Variants in NCOA2 observed in about 807,000 individuals in gnomAD.
NCOA2 encodes class E basic helix-loop-helix protein 75.
A neutral mutation model predicts 145.1 loss-of-function variants in NCOA2; 21 were observed. The ratio of observed to expected loss-of-function variants is 0.14; its 90% CI spans 0.10 to 0.21. The LOEUF (loss-of-function observed/expected upper bound fraction) is 0.21. Among genes scored for constraint, NCOA2 ranks in the 10% least tolerant of loss-of-function variants. The pLI is 1.00. For synonymous variants in NCOA2, 619 were observed against 637.5 expected (o/e 0.97, Z 0.44); for missense variants, 1,472 against 1,837.6 (o/e 0.80, Z 3.64).
intron 1 of NCOA2, among the ~76,000 whole-genome samples, chr8:70,354,418 A>T (rs1809502440): frequency 6.6e-6 from 1 of 152,192 alleles, no homozygotes; most frequent in Non-Finnish European, 1.5e-5. Context: ...ATTCCCCCGA[A>T]GATAGTTCTA....
chr8:70,365,074 T>C (rs907503365), intron 1 of NCOA2, among the ~76,000 whole-genome samples: 1 of 152,204 alleles, frequency 6.6e-6, no homozygotes, highest in Non-Finnish European at 1.5e-5. Context: ...AGCTCATGTG[T>C]GTAATCCCAA....
the NCOA2 span, among the ~76,000 whole-genome samples, chr8:70,409,996 G>C: frequency 6.6e-6 from 1 of 152,136 alleles, no homozygotes; most frequent in Non-Finnish European, 1.5e-5. Context: ...GATCACCTGA[G>C]GTCAGCAGTT....
chr8:70,297,847 T>C (rs1827202644), intron 1 of NCOA2, among the ~76,000 whole-genome samples: 1 of 152,228 alleles, frequency 6.6e-6, no homozygotes, highest in African/African-American at 2.4e-5. Flanking sequence ...CCAATTAAGT[T>C]TGTTCCCAAG....
At chr8:70,316,256 T>C (rs1051037573) in intron 1 of NCOA2, among the ~76,000 whole-genome samples, 2 of 152,174 alleles carry the variant, frequency 1.3e-5, no homozygotes, top group Admixed American at 6.5e-5. Flanking sequence ...CAAAGTCTTA[T>C]TAGATTTGGA....
chr8:70,358,930 C>T (rs1167387402), intron 1 of NCOA2, among the ~76,000 whole-genome samples: 1 of 152,100 alleles, frequency 6.6e-6, no homozygotes, highest in Non-Finnish European at 1.5e-5. Context: ...CCTGAACAGA[C>T]ATTTCTCCAG....
chr8:70,186,551 G>A (rs951979612), intron 4 of NCOA2, among the ~76,000 whole-genome samples: 10 of 152,204 alleles, frequency 6.6e-5, no homozygotes, highest in Non-Finnish European at 7.3e-5. Context: ...GAAGAGAGCT[G>A]TTACCTGGGA....
chr8:70,131,955 G>A lies in NCOA2; in HGVS notation c.3206C>T (p.Ala1069Val). ...TCCCTCATCACTCGGAGACTCAGCTGCAGGATGTGGACATAGCAAGTCATC... is the reference window on the plus strand; with the variant it reads ...TCCCTCATCACTCGGAGACTCAGCTACAGGATGTGGACATAGCAAGTCATC... Reference protein sequence around the residue: ...SPDDLLCPHPAAESPSDEGAL... With the variant: ...SPDDLLCPHPVAESPSDEGAL... Residue 1069 changes from alanine to valine, a missense_variant, in exon 16 of 23, where the codon GCA becomes GTA. By Grantham distance (64) the Ala-to-Val change is moderately conservative. Around this residue, in one of 4 missense-constraint regions of NCOA2, gnomAD observed 953 missense variants for 1,062.1 expected, o/e 0.90. Coordinates refer to ENST00000452400, the MANE Select transcript of NCOA2 (RefSeq NM_006540.4). 6.2e-7 allele frequency: 1 copy of A among 1,612,140 alleles called. No homozygotes were observed.
chr8:70,116,078 T>C (rs1014910679), intron 22 of NCOA2, among the ~76,000 whole-genome samples: 1 of 149,828 alleles, frequency 6.7e-6, no homozygotes, highest in Non-Finnish European at 1.5e-5. Context: ...TCCCAGCTAC[T>C]AGGGAGGCTG....
chr8:70,243,791 G>GAAAAAAAAA (rs200949977), intron 2 of NCOA2, among the ~76,000 whole-genome samples: 1 of 99,534 alleles, frequency 1.0e-5, no homozygotes, highest in African/African-American at 3.1e-5. Flanking sequence ...ATAAAAAATG[G>GAAAAAAAAA]AAAAAAAAAA....
intron 2 of NCOA2, among the ~76,000 whole-genome samples, chr8:70,263,848 GA>G (rs1824349889): frequency 6.6e-6 from 1 of 152,120 alleles, no homozygotes; most frequent in African/African-American, 2.4e-5. Context: ...ACAGTAATCA[GA>G]AAACGCATAA....
At chr8:70,218,595 C>G (rs1819868969) in intron 2 of NCOA2, among the ~76,000 whole-genome samples, 1 of 152,140 alleles carries the variant, frequency 6.6e-6, no homozygotes, top group Non-Finnish European at 1.5e-5. Context: ...GTAACAACAA[C>G]AAAACCCTAA....
chr8:70,164,107 G>A (rs535916770), intron 7 of NCOA2, among the ~76,000 whole-genome samples: 4 of 152,254 alleles, frequency 2.6e-5, no homozygotes, highest in Middle Eastern at 3.4e-3. Flanking sequence ...GGGTCTAGAC[G>A]CAGATTCAGA....
chr8:70,187,267 A>C (rs1312781978), intron 4 of NCOA2, among the ~76,000 whole-genome samples: 5 of 152,290 alleles, frequency 3.3e-5, no homozygotes, highest in Admixed American at 2.0e-4. Context: ...CAACATTTAC[A>C]ATGTTTCCTA....
Position 70,239,780 on chromosome 8 carries a change from TA to T in NCOA2, c.-19-23017del, listed in dbSNP as rs577103488. On this transcript the variant is annotated intron_variant, in intron 2 of 22. Transcript: ENST00000452400. ...TTCAGTGAGAAGAGAAAACAACAGC[TA>T]AAAAGACACATAGGAAGAAACCACA... 2.9e-3 allele frequency among the ~76,000 whole-genome samples: 435 copies of T among 152,106 alleles called. 6 individuals are homozygous for T. Among genetic ancestry groups the T allele is most frequent in the South Asian group, 0.016 (76 of 4,822 alleles).
chr8:70,376,887 C>G (rs867405112), intron 1 of NCOA2, among the ~76,000 whole-genome samples: 2 of 152,190 alleles, frequency 1.3e-5, no homozygotes, highest in Non-Finnish European at 2.9e-5. Context: ...AAGTCAATCT[C>G]ATAGTCACTG....
chr8:70,234,025 C>G (rs1317863736), intron 2 of NCOA2, among the ~76,000 whole-genome samples: 1 of 152,112 alleles, frequency 6.6e-6, no homozygotes, highest in Non-Finnish European at 1.5e-5. Flanking sequence ...CCATTCTCTC[C>G]TCTCCCAGCC....
At chr8:70,160,895 C>A (rs1243570691) in intron 9 of NCOA2, among the ~76,000 whole-genome samples, 1 of 152,172 alleles carries the variant, frequency 6.6e-6, no homozygotes, top group African/African-American at 2.4e-5. Flanking sequence ...TTGCTTTGCA[C>A]AAAGTGTCTA....
chr8:70,331,189 T>C lies in NCOA2; in HGVS notation c.-76-34389A>G, dbSNP rs566366828. Among the ~76,000 whole-genome samples the C allele has an allele frequency of 5.9e-5, 9 of 152,300 alleles. No individual in the cohort carries two copies. In the South Asian group the frequency reaches 6.2e-4, roughly 11 times the overall value. On this transcript the variant is annotated intron_variant, in intron 1 of 22. Transcript: ENST00000452400. ...TTTACTGGGCTTTCTCGTACAATAA[T>C]GATCAGGAGTAAAACTGTCACCTGC...
chr8:70,319,042 G>C (rs1287929285), intron 1 of NCOA2, among the ~76,000 whole-genome samples: 1 of 152,140 alleles, frequency 6.6e-6, no homozygotes, highest in African/African-American at 2.4e-5. Flanking sequence ...CAGTGCCTTT[G>C]AGAAGTAAAC....
Sources: gnomAD v4.1 joint callset for allele counts (sites outside exome capture counted in the v4.1 genomes callset) on GRCh38, gnomAD v4.1.1 for gene constraint, gnomAD v4.1.1 regional missense constraint, MANE v1.5 for transcripts, NCBI Gene and HGNC (gene_info 2026-07-23, HGNC 2026-07-21) for gene names.